Variants in FANCL observed in about 807,000 individuals in gnomAD.
FANCL encodes the protein E3 ubiquitin-protein ligase FANCL.
FANCL carries 69 observed loss-of-function variants against 59.4 expected under a neutral mutation model. The ratio of observed to expected loss-of-function variants is 1.16; its 90% CI spans 0.96 to 1.42. The LOEUF (loss-of-function observed/expected upper bound fraction) is 1.42. FANCL is among the 40% of genes most tolerant of loss of function. The probability of loss-of-function intolerance (pLI) is 0.00; values close to 1 mark genes in which losing one functional copy is unlikely to be tolerated. For synonymous variants in FANCL, 180 were observed against 147.1 expected (o/e 1.22, Z -1.62); for missense variants, 519 against 447.2 (o/e 1.16, Z -1.45).
chr2:58,179,259 A>G (rs879370209), intron 7 of FANCL, among the ~76,000 whole-genome samples: 2 of 152,214 alleles, frequency 1.3e-5, no homozygotes, highest in Non-Finnish European at 2.9e-5. Flanking sequence ...GAACCAATAA[A>G]GAGCCCATAT....
At chr2:58,176,939 A>G (rs1338990819) in intron 7 of FANCL, among the ~76,000 whole-genome samples, 1 of 152,088 alleles carries the variant, frequency 6.6e-6, no homozygotes, top group Non-Finnish European at 1.5e-5. Flanking sequence ...TACAAGAAAA[A>G]AACAAACAAC....
At chr2:58,190,152 TG>T in intron 7 of FANCL, among the ~76,000 whole-genome samples, 1 of 152,170 alleles carries the variant, frequency 6.6e-6, no homozygotes, top group South Asian at 2.1e-4. Flanking sequence ...TGAATTTGTC[TG>T]GTCAAACACT....
At chr2:58,227,308 C>T (rs1573801109) in intron 3 of FANCL, among the ~76,000 whole-genome samples, 1 of 152,322 alleles carries the variant, frequency 6.6e-6, no homozygotes, top group East Asian at 1.9e-4. Context: ...AATTAGACCC[C>T]TGCCTTATTG....
At chr2:58,213,738 GAAA>G (rs1197432123) in intron 5 of FANCL, 1 of 150,802 alleles carries the variant, frequency 6.6e-6, no homozygotes, top group Non-Finnish European at 1.5e-5. Flanking sequence ...AAAAGAGAGG[GAAA>G]AAAAGTCATT....
At chr2:58,178,972 C>G (rs1209898965) in intron 7 of FANCL, among the ~76,000 whole-genome samples, 3 of 152,130 alleles carry the variant, frequency 2.0e-5, no homozygotes, top group Admixed American at 1.3e-4. Flanking sequence ...TGAGTGAACT[C>G]CCATTCACAA....
chr2:58,226,847 TA>T (rs1325930932), intron 3 of FANCL, 63 bp from the exon 4 acceptor site: 30 of 1,367,730 alleles, frequency 2.2e-5, no homozygotes, highest in Non-Finnish European at 2.7e-5. Context: ...ACTAAAACTG[TA>T]AAAAAATGTA....
intron 7 of FANCL, among the ~76,000 whole-genome samples, chr2:58,167,058 A>G (rs1486965627): frequency 6.6e-6 from 1 of 152,210 alleles, no homozygotes; most frequent in Non-Finnish European, 1.5e-5. Flanking sequence ...CTAAAAATAC[A>G]AAAATTAGCT....
intron 1 of FANCL, among the ~76,000 whole-genome samples, chr2:58,238,856 T>C (rs1200381606): frequency 2.6e-5 from 4 of 152,166 alleles, no homozygotes; most frequent in Non-Finnish European, 4.4e-5. Flanking sequence ...TCAGCATCTA[T>C]AGGATACTTT....
intron 1 of FANCL, among the ~76,000 whole-genome samples, chr2:58,239,420 C>T (rs1371983057): frequency 6.6e-6 from 1 of 152,144 alleles, no homozygotes; most frequent in Non-Finnish European, 1.5e-5. Flanking sequence ...TACATTCTAC[C>T]TAACAGCCAA....
intron 5 of FANCL, among the ~76,000 whole-genome samples, chr2:58,212,099 A>G (rs1691219848): frequency 6.6e-6 from 1 of 152,198 alleles, no homozygotes; most frequent in Non-Finnish European, 1.5e-5. Flanking sequence ...ATAAAGACAT[A>G]CCCAAGATTG....
chr2:58,160,241 A>T (rs1684925762), intron 12 of FANCL, 62 bp from the exon 13 acceptor site: 1 of 1,493,822 alleles, frequency 6.7e-7, no homozygotes, highest in African/African-American at 1.4e-5. Context: ...GATACTCCAA[A>T]TGTCATTCCC....
intron 7 of FANCL, among the ~76,000 whole-genome samples, chr2:58,169,758 C>T (rs545207229): frequency 2.0e-5 from 3 of 151,840 alleles, no homozygotes; most frequent in East Asian, 1.9e-4. Flanking sequence ...GTGAAGCATA[C>T]ACAAGTATCA....
intron 5 of FANCL, among the ~76,000 whole-genome samples, chr2:58,217,172 A>T (rs1362413581): frequency 5.0e-5 from 1 of 19,968 alleles, no homozygotes; most frequent in Non-Finnish European, 9.2e-5. Flanking sequence ...TATTTTATAT[A>T]TATATATATA....
rs1158149205 is a variant in FANCL at position 58,217,166 on chromosome 2, TTATATATATATATATA to T, written c.374+4760_374+4775del. On this transcript the variant is annotated intron_variant, in intron 5 of 13. Transcript: ENST00000233741. Reference sequence around the variant, plus strand: ...AGATTTATATATATATTTATATATTTTATATATATATATATATATATATATATATATATATATATAT... The same window carrying T: ...AGATTTATATATATATTTATATATTTTATATATATATATATATATATATAT... Among the ~76,000 whole-genome samples the T allele has an allele frequency of 1.6e-3, 76 of 47,344 alleles. 2 individuals are homozygous for T. The East Asian group carries it at 0.021, about 13-fold the overall frequency. 31.1% of individuals were successfully genotyped at this position (47,344 alleles called of 152,430 possible). A position where few individuals can be genotyped will look rare whatever the true frequency, so the allele number is the denominator to read the frequency against.
intron 7 of FANCL, among the ~76,000 whole-genome samples, chr2:58,180,146 T>C (rs1014166895): frequency 3.3e-5 from 5 of 152,268 alleles, no homozygotes; most frequent in African/African-American, 7.2e-5. Context: ...AGTTCAACCA[T>C]TGTGGAAGAC....
chr2:58,176,177 T>A (rs570303840), intron 7 of FANCL, among the ~76,000 whole-genome samples: 2 of 152,192 alleles, frequency 1.3e-5, no homozygotes, highest in Admixed American at 1.3e-4. Flanking sequence ...GTAGGAAGAA[T>A]CAATATCATG....
intron 1 of FANCL, among the ~76,000 whole-genome samples, chr2:58,233,502 T>A (rs1329286699): frequency 1.3e-5 from 2 of 151,864 alleles, no homozygotes; most frequent in Non-Finnish European, 2.9e-5. Flanking sequence ...TCCCCACATA[T>A]CATACCAAAA....
intron 6 of FANCL, among the ~76,000 whole-genome samples, chr2:58,200,482 CATTTT>C (rs1208953000): frequency 6.6e-6 from 1 of 151,950 alleles, no homozygotes; most frequent in African/African-American, 2.4e-5. Context: ...AAATTTAGTT[CATTTT>C]GAGTTGCTAT....
intron 4 of FANCL, among the ~76,000 whole-genome samples, chr2:58,223,294 A>G (rs1692665098): frequency 6.6e-6 from 1 of 151,958 alleles, no homozygotes; most frequent in Admixed American, 6.5e-5. Context: ...ATGGTCCACC[A>G]AAATAAATTC....
Sources: gnomAD v4.1 joint callset for allele counts (sites outside exome capture counted in the v4.1 genomes callset) on GRCh38, gnomAD v4.1.1 for gene constraint, MANE v1.5 for transcripts, NCBI Gene and HGNC (gene_info 2026-07-23, HGNC 2026-07-21) for gene names.